The following KCNT2 variants were observed in gnomAD, a reference collection of about 807,000 sequenced individuals.
The protein encoded by KCNT2 is potassium sodium-activated channel subfamily T member 2, also known as potassium channel subfamily T member 2.
KCNT2 carries 67 observed loss-of-function variants against 153.8 expected under a neutral mutation model. The ratio of observed to expected loss-of-function variants is 0.44; its 90% CI spans 0.36 to 0.53. KCNT2 has a LOEUF of 0.53. Ranked by LOEUF, KCNT2 falls within the 20% of genes least tolerant of loss-of-function variation. The pLI is 0.00. For missense variants in KCNT2, 975 were observed against 1,354.8 expected, an observed-to-expected ratio of 0.72 and a Z score of 4.40; for synonymous variants, 500 against 458.8, an observed-to-expected ratio of 1.09 and a Z score of -1.15.
chr1:196,492,940 C>G (rs1281262698), intron 1 of KCNT2, among the ~76,000 whole-genome samples: 1 of 152,070 alleles, frequency 6.6e-6, no homozygotes, highest in Non-Finnish European at 1.5e-5. Context: ...TTAAGGTTAC[C>G]ACAGATAGAT....
chr1:196,506,909 G>T (rs1335847678), intron 1 of KCNT2, among the ~76,000 whole-genome samples: 1 of 152,000 alleles, frequency 6.6e-6, no homozygotes, highest in African/African-American at 2.4e-5. Context: ...TTTAATGACT[G>T]CATATCATTT....
intron 1 of KCNT2, among the ~76,000 whole-genome samples, chr1:196,583,612 T>C (rs1662316812): frequency 6.6e-6 from 1 of 151,604 alleles, no homozygotes; most frequent in African/African-American, 2.4e-5. Flanking sequence ...AAGGGAAGAC[T>C]GTAAAGGAGA....
chr1:196,391,465 A>T (rs7515074), intron 13 of KCNT2, among the ~76,000 whole-genome samples: 72,941 of 151,084 alleles, frequency 0.48, 19,325 homozygotes, highest in Middle Eastern at 0.69. Flanking sequence ...TTCTAAAAAA[A>T]TAAGTATTAT....
intron 8 of KCNT2, among the ~76,000 whole-genome samples, chr1:196,458,060 C>A (rs1676834889): frequency 6.6e-6 from 1 of 151,844 alleles, no homozygotes; most frequent in Admixed American, 6.6e-5. Flanking sequence ...TTCATCTCAG[C>A]CCCAACCTGC....
At chr1:196,509,040 G>A (rs1335253261) in intron 1 of KCNT2, among the ~76,000 whole-genome samples, 5 of 152,088 alleles carry the variant, frequency 3.3e-5, no homozygotes, top group Admixed American at 2.0e-4. Context: ...AGGTTGAGGC[G>A]GGCAGATCAC....
intron 1 of KCNT2, among the ~76,000 whole-genome samples, chr1:196,583,664 T>C (rs753430222): frequency 6.6e-6 from 1 of 151,366 alleles, no homozygotes; most frequent in Non-Finnish European, 1.5e-5. Flanking sequence ...AGAAGAATGA[T>C]ATCATAGAAA....
chr1:196,483,494 T>C (rs80092184), intron 3 of KCNT2, among the ~76,000 whole-genome samples: 1,998 of 152,304 alleles, frequency 0.013, 34 homozygotes, highest in South Asian at 0.04. Context: ...TATTGTGTAT[T>C]GCCTTTGCAC....
chr1:196,338,729 C>T lies in KCNT2; in HGVS notation c.1783+1612G>A, dbSNP rs1665278792. 2.0e-5 allele frequency among the ~76,000 whole-genome samples: 3 copies of T among 151,596 alleles called. No individual in the cohort carries two copies. In the South Asian group the frequency reaches 6.2e-4, roughly 32 times the overall value. On this transcript the variant is annotated intron_variant, in intron 16 of 27. Transcript: ENST00000294725. The stretch of plus-strand genomic sequence containing the variant: ...CAAGGCTGGAGGCATGGAAAAAAGA[C>T]AAGGTTGTTGATCCTGCAGTTCAGG...
chr1:196,406,554 A>G (rs143003406), intron 12 of KCNT2, among the ~76,000 whole-genome samples: 199 of 150,826 alleles, frequency 1.3e-3, no homozygotes, highest in African/African-American at 4.5e-3. Context: ...TATAGGCTCA[A>G]CAGTGGCCTA....
At chr1:196,276,508 C>T (rs956911557) in intron 25 of KCNT2, among the ~76,000 whole-genome samples, 1 of 151,930 alleles carries the variant, frequency 6.6e-6, no homozygotes, top group African/African-American at 2.4e-5. Flanking sequence ...CTCTAGGTCT[C>T]CCTTTATGCT....
chr1:196,507,573 A>T (rs567357424), intron 1 of KCNT2, among the ~76,000 whole-genome samples: 3 of 152,184 alleles, frequency 2.0e-5, no homozygotes, highest in African/African-American at 7.2e-5. Context: ...TTATTCTATC[A>T]TTGCCTAGAA....
chr1:196,449,083 A>G (rs1675933963), intron 8 of KCNT2, among the ~76,000 whole-genome samples: 1 of 151,704 alleles, frequency 6.6e-6, no homozygotes, highest in Non-Finnish European at 1.5e-5. Flanking sequence ...CAAACAAACA[A>G]ACAAACAAAA....
Position 196,372,459 on chromosome 1 carries a change from C to G in KCNT2, c.1403+681G>C, listed in dbSNP as rs1216677842. On this transcript the variant is annotated intron_variant, in intron 14 of 27. Coordinates refer to ENST00000294725, the MANE Select transcript of KCNT2 (RefSeq NM_198503.5). ...ATATGACAAGATATGAAATGAAGTACATTTGTCTCTTTAAATAAGAGCAAT... is the reference window on the plus strand; with the variant it reads ...ATATGACAAGATATGAAATGAAGTAGATTTGTCTCTTTAAATAAGAGCAAT... Among the ~76,000 whole-genome samples, 10 of 151,764 alleles carry G rather than the reference C, an allele frequency of 6.6e-5. No homozygotes were observed. The South Asian group carries it at 1.2e-3, about 19-fold the overall frequency.
At chr1:196,511,764 A>G (rs1681652066) in intron 1 of KCNT2, among the ~76,000 whole-genome samples, 1 of 151,856 alleles carries the variant, frequency 6.6e-6, no homozygotes, top group South Asian at 2.1e-4. Flanking sequence ...GTTCAAAATT[A>G]CTCTTCTTAC....
intron 1 of KCNT2, among the ~76,000 whole-genome samples, chr1:196,585,013 C>A (rs1029813436): frequency 6.6e-6 from 1 of 151,988 alleles, no homozygotes; most frequent in African/African-American, 2.4e-5. Context: ...GAACAAGGAC[C>A]ATTCACAGGC....
chr1:196,363,655 C>T (rs1167192294), intron 14 of KCNT2, among the ~76,000 whole-genome samples: 2 of 152,150 alleles, frequency 1.3e-5, no homozygotes, highest in African/African-American at 4.8e-5. Flanking sequence ...GCTCCCTTTA[C>T]ACATACTGTC....
intron 25 of KCNT2, among the ~76,000 whole-genome samples, chr1:196,279,730 A>T (rs1658916000): frequency 6.6e-6 from 1 of 151,810 alleles, no homozygotes; most frequent in African/African-American, 2.4e-5. Flanking sequence ...GCCAGGCCAC[A>T]TAGCTCCATT....
At chr1:196,481,667 T>C (rs949438940) in intron 4 of KCNT2, among the ~76,000 whole-genome samples, 1 of 152,118 alleles carries the variant, frequency 6.6e-6, no homozygotes, top group Admixed American at 6.6e-5. Context: ...GTAGAGGCGA[T>C]AGAAACTTAC....
chr1:196,587,275 C>T (rs188975845), intron 1 of KCNT2, among the ~76,000 whole-genome samples: 209 of 151,996 alleles, frequency 1.4e-3, no homozygotes, highest in Admixed American at 3.3e-3. Context: ...TATTACCTAC[C>T]AACAGCAGTA....
Sources: allele counts gnomAD v4.1 joint callset (sites outside exome capture counted in the v4.1 genomes callset), GRCh38; gene constraint gnomAD v4.1.1; transcripts MANE v1.5; gene names NCBI Gene and HGNC (gene_info 2026-07-23, HGNC 2026-07-21).